The following SYNE3 variants were observed in gnomAD, a reference collection of about 807,000 sequenced individuals.
SYNE3 encodes spectrin repeat containing nuclear envelope family member 3.
Under a neutral mutation model 111.2 loss-of-function variants are expected in SYNE3, and 100 were observed. The observed-to-expected ratio is 0.90, with a 90% CI of 0.77 to 1.06. SYNE3 has a LOEUF of 1.06. SYNE3 is among the 50% of genes least tolerant of loss of function. The pLI is 0.00. For synonymous variants in SYNE3, 547 were observed against 533.9 expected, an observed-to-expected ratio of 1.02 and a Z score of -0.34; for missense variants, 1,160 against 1,240.3, an observed-to-expected ratio of 0.94 and a Z score of 0.97.
rs879943316 is a variant in SYNE3, at chr14:95,495,111, C to CA, written c.-14-19277dup. 9.0e-4 allele frequency among the ~76,000 whole-genome samples: 98 copies of CA among 108,706 alleles called. 1 individual carries two copies. The highest frequency in any genetic ancestry group is 1.9e-3 in the East Asian group (7 of 3,658). 71.3% of individuals were successfully genotyped at this position (108,706 alleles called of 152,430 possible). A position where few individuals can be genotyped will look rare whatever the true frequency, so the allele number is the denominator to read the frequency against. ...TGGGCAACAGAGCGAGACTCAGTCT[C>CA]AAAAAAAAAAAGAAAGAAAAGAAAA... On this transcript the variant is annotated intron_variant, in intron 1 of 17. Coordinates refer to ENST00000682763, the MANE Select transcript of SYNE3 (RefSeq NM_152592.6).
Position 95,485,613 on chromosome 14 carries a change from C to T in SYNE3, c.-14-9778G>A, listed in dbSNP as rs112226585. ...ATGCCGAAATGCTCAGCGTTTTTTT[C>T]CCTCTGCCCTCACCAGGCTGTCTCC... is the stretch of plus-strand genomic sequence containing the variant. On this transcript the variant is annotated intron_variant, in intron 1 of 17. Transcript: ENST00000682763. This position sits in a 1 kb window ranked among gnomAD's most constrained non-coding sequence, Gnocchi z 4.3. 0.011 allele frequency among the ~76,000 whole-genome samples: 1,638 copies of T among 152,102 alleles called. 24 individuals are homozygous for T. The highest frequency in any genetic ancestry group is 0.036 in the African/African-American group (1,496 of 41,472).
At chr14:95,452,179 T>G in intron 7 of SYNE3, 68 bp downstream of exon 7, 1 of 1,485,836 alleles carries the variant, frequency 6.7e-7, no homozygotes, top group Non-Finnish European at 9.0e-7. Context: ...CAAGCCCGCC[T>G]TCTGGAGATG....
chr14:95,499,856 CTTTTTTT>C (rs10547044), intron 1 of SYNE3, among the ~76,000 whole-genome samples: 10 of 90,070 alleles, frequency 1.1e-4, no homozygotes, highest in African/African-American at 3.3e-4. Context: ...TAACTCTTGT[CTTTTTTT>C]TTTTTTTTTT....
chr14:95,456,106 T>G (rs1336906470), intron 5 of SYNE3: 1 of 330,988 alleles, frequency 3.0e-6, no homozygotes, highest in Non-Finnish European at 5.4e-6. Context: ...TGTGTGGTTA[T>G]CTACCTATTT....
At chr14:95,478,498 G>A (rs543541320) in intron 1 of SYNE3, among the ~76,000 whole-genome samples, 2 of 152,162 alleles carry the variant, frequency 1.3e-5, no homozygotes, top group Non-Finnish European at 2.9e-5. Context: ...TTTTCTGCCC[G>A]TCGGACCCCT....
In SYNE3 at chr14:95,439,748, G is replaced by A; in HGVS notation, c.2110C>T (p.Leu704=). 1 of 1,613,832 alleles carries A rather than the reference G, an allele frequency of 6.2e-7. No individual in the cohort carries two copies. The highest frequency in any genetic ancestry group is 8.5e-7 in the Non-Finnish European group (1 of 1,179,774). The part of the protein sequence containing the change: ...VAEFPEKEAQ[L]SLVEAQGWLV... ...CAGCCCTGCGCTTCCACCAGGGACA[G>A]CTGGGCCTCCTTCTCCGGGAATTCT... The change falls in exon 13 of 18, where the codon CTG becomes TTG. Residue 704 remains leucine, a synonymous_variant. Transcript: ENST00000682763.
chr14:95,479,123 A>C (rs1566680279), intron 1 of SYNE3, among the ~76,000 whole-genome samples: 2 of 150,706 alleles, frequency 1.3e-5, no homozygotes, highest in African/African-American at 4.9e-5. Flanking sequence ...ATCCAGGTGC[A>C]GTGGCTCATG....
intron 9 of SYNE3, among the ~76,000 whole-genome samples, chr14:95,444,869 C>T (rs1170813380): frequency 6.6e-6 from 1 of 152,158 alleles, no homozygotes; most frequent in African/African-American, 2.4e-5. Flanking sequence ...CAAGCTACAC[C>T]CCTCCACCCA....
Position 95,439,997 on chromosome 14 carries a change from T to C in SYNE3, c.1990A>G (p.Ile664Val). The C allele has an allele frequency of 6.2e-7, 1 of 1,613,430 alleles. No homozygotes were observed. Among genetic ancestry groups the C allele is most frequent in the Non-Finnish European group, 8.5e-7 (1 of 1,180,026 alleles). The change falls in exon 12 of 18, where the codon ATC (isoleucine) becomes GTC (valine). Residue 664 changes from isoleucine (I) to valine (V), a missense_variant. Transcript: ENST00000682763. ...SHQLLELRQW[I>V]VVTTQKLEAH... ...TCCAGCTTTTGCGTGGTCACAACGA[T>C]CCACTGCCGCAGCTCCAGCAGCTGG...
intron 17 of SYNE3, among the ~76,000 whole-genome samples, chr14:95,424,989 C>T (rs1327558799): frequency 1.3e-5 from 2 of 152,156 alleles, no homozygotes; most frequent in East Asian, 1.9e-4. Flanking sequence ...CCTGTAATCC[C>T]AGCACTTTGA....
rs1437124153 is a variant in SYNE3, at chr14:95,439,849, G to A, written c.2073+65C>T. The A allele has an allele frequency of 8.2e-6, 13 of 1,590,980 alleles. No homozygotes were observed. In the East Asian group the frequency reaches 2.7e-4, roughly 33 times the overall value. ...GGTGGAGGGAGGTTTCTGCTCCTTG[G>A]TGTGGGAACGTTGGCCTGTCAAGGC... On this transcript the variant is annotated intron_variant, in intron 12 of 17. Coordinates refer to ENST00000682763, the MANE Select transcript of SYNE3 (RefSeq NM_152592.6).
intron 12 of SYNE3, 58 bp from the exon 13 acceptor site, chr14:95,439,842 C>T: frequency 6.3e-7 from 1 of 1,590,576 alleles, no homozygotes; most frequent in South Asian, 1.2e-5. Flanking sequence ...GAGGTTTCTG[C>T]TCCTTGGTGT....
At chr14:95,492,918 C>G (rs142185913) in intron 1 of SYNE3, among the ~76,000 whole-genome samples, 49 of 152,176 alleles carry the variant, frequency 3.2e-4, no homozygotes, top group African/African-American at 1.1e-3. Flanking sequence ...AATTATATCT[C>G]AATAAAGCTG....
Position 95,470,995 on chromosome 14 carries a change from AG to A in SYNE3, c.145-3029del, listed in dbSNP as rs202072444. Among the ~76,000 whole-genome samples the A allele has an allele frequency of 0.22, 31,006 of 141,486 alleles. 3,656 individuals carry two copies. Among genetic ancestry groups the A allele is most frequent in the South Asian group, 0.29 (1,376 of 4,744 alleles). 92.8% of individuals were successfully genotyped at this position (141,486 alleles called of 152,430 possible). ...ACGCCGTCTCAGGAAAAAAAAAAAA[AG>A]AAAGTAAGATGATATTTCTGATTCC... On this transcript the variant is annotated intron_variant, in intron 2 of 17. Coordinates refer to ENST00000682763, the MANE Select transcript of SYNE3 (RefSeq NM_152592.6). The surrounding 1 kb of genome is among the most constrained non-coding windows in gnomAD (Gnocchi z 4.2).
chr14:95,469,531 CAA>C lies in SYNE3; in HGVS notation c.145-1566_145-1565del, dbSNP rs71132350. Reference sequence around the variant, plus strand: ...ACAACACAGTGAGACCATGTCTCTACAAAAAAAAAAAAAAAAAAAAAAATTAA... The same window carrying C: ...ACAACACAGTGAGACCATGTCTCTACAAAAAAAAAAAAAAAAAAAAATTAA... On this transcript the variant is annotated intron_variant, in intron 2 of 17. Transcript: ENST00000682763. 4.5e-3 allele frequency among the ~76,000 whole-genome samples: 450 copies of C among 99,418 alleles called. 1 individual carries two copies. Among genetic ancestry groups the C allele is most frequent in the African/African-American group, 0.016 (418 of 25,584 alleles). The allele number at this position is 99,418 out of a possible 152,430, so 65.2% of individuals were successfully genotyped here. A position where few individuals can be genotyped will look rare whatever the true frequency, so the allele number is the denominator to read the frequency against.
At chr14:95,434,928 A>G (rs773838564) in intron 15 of SYNE3, among the ~76,000 whole-genome samples, 9 of 152,236 alleles carry the variant, frequency 5.9e-5, no homozygotes, top group Non-Finnish European at 7.3e-5. Context: ...TGCGGGGATT[A>G]CAGGCGTGAG....
rs1276776101 is a variant in SYNE3 at position 95,423,548 on chromosome 14, T to C, written c.2728-5522A>G. ...GGATTTGATGGGGATGGGGATTTGA[T>C]GGGCATGGGGATTTGATGGGGATGA... On this transcript the variant is annotated intron_variant, in intron 17 of 17. Transcript: ENST00000682763. Among the ~76,000 whole-genome samples the C allele has an allele frequency of 6.2e-5, 5 of 80,278 alleles. 1 individual carries two copies. The highest frequency in any genetic ancestry group is 3.2e-4 in the African/African-American group (5 of 15,658). 52.7% of individuals were successfully genotyped at this position (80,278 alleles called of 152,430 possible).
At chr14:95,427,623 G>A (rs1193113188) in intron 17 of SYNE3, among the ~76,000 whole-genome samples, 4 of 152,190 alleles carry the variant, frequency 2.6e-5, no homozygotes, top group African/African-American at 7.2e-5. Flanking sequence ...AGGCAGGGAA[G>A]AGCCCCCTGT....
intron 2 of SYNE3, among the ~76,000 whole-genome samples, chr14:95,473,775 G>A (rs1278621130): frequency 7.1e-6 from 1 of 141,530 alleles, no homozygotes; most frequent in Non-Finnish European, 1.6e-5. Context: ...TGGAGCTCAG[G>A]CCAGTGTGAG....
Sources: gnomAD v4.1 joint callset for allele counts (sites outside exome capture counted in the v4.1 genomes callset) on GRCh38, gnomAD v4.1.1 for gene constraint, Gnocchi (gnomAD v3.1) non-coding constraint, MANE v1.5 for transcripts, NCBI Gene and HGNC (gene_info 2026-07-23, HGNC 2026-07-21) for gene names.